Variants in KIAA1549 observed in about 807,000 individuals in gnomAD.
KIAA1549 encodes KIAA1549.
KIAA1549 carries 70 observed loss-of-function variants against 156.4 expected under a neutral mutation model. The ratio of observed to expected loss-of-function variants is 0.45; its 90% confidence interval spans 0.37 to 0.55. The LOEUF is 0.55. Ranked by LOEUF, KIAA1549 falls within the 20% of genes least tolerant of loss-of-function variation. The pLI, the probability that KIAA1549 is intolerant of heterozygous loss-of-function variation, is 0.00. For missense variants in KIAA1549, 2,428 were observed against 2,540.9 expected (o/e 0.96, Z 0.96); for synonymous variants, 1,103 against 1,066.4 (o/e 1.03, Z -0.67).
intron 1 of KIAA1549, among the ~76,000 whole-genome samples, chr7:138,934,490 G>A (rs889680234): frequency 2.6e-5 from 4 of 151,848 alleles, no homozygotes; most frequent in African/African-American, 4.8e-5. Context: ...CCAAGAGAGC[G>A]GAGAATTCGT....
intron 1 of KIAA1549, among the ~76,000 whole-genome samples, chr7:138,921,662 C>T (rs939992552): frequency 6.6e-6 from 1 of 152,154 alleles, no homozygotes; most frequent in South Asian, 2.1e-4. Flanking sequence ...GTCAGGAGTT[C>T]GAGTCCAGCC....
At chr7:138,883,829 A>G (rs959400310) in intron 10 of KIAA1549, among the ~76,000 whole-genome samples, 8 of 152,200 alleles carry the variant, frequency 5.3e-5, no homozygotes, top group African/African-American at 1.9e-4. Flanking sequence ...ACATCCACAC[A>G]GTGACACTCT....
At position 138,840,173 on chromosome 7, in the gene KIAA1549, C is replaced by A. The variant is rs1403516309; in HGVS notation, c.5558G>T (p.Trp1853Leu). Residue 1853 changes from tryptophan to leucine, a missense_variant, in exon 19 of 20, where the codon TGG becomes TTG. Trp to Leu is a moderately conservative substitution (Grantham distance 61, BLOSUM62 -2). Coordinates refer to ENST00000422774, the MANE Select transcript of KIAA1549 (RefSeq NM_001164665.2). ...SRGSQYGGPG[W>L]PSYGEDEAGR... Reference sequence around the variant, plus strand: ...CGCTTCGTCCTCCCCGTACGAAGGCCAGCCTGGCCCCCCATACTGGCTGCC... The same window carrying A: ...CGCTTCGTCCTCCCCGTACGAAGGCAAGCCTGGCCCCCCATACTGGCTGCC... 1.3e-6 allele frequency: 2 copies of A among 1,558,764 alleles called. No homozygotes were observed. Among genetic ancestry groups the A allele is most frequent in the African/African-American group, 1.4e-5 (1 of 73,512 alleles).
chr7:138,980,979 G>A (rs1037620683), intron 1 of KIAA1549, 104 bp downstream of exon 1: 1 of 1,031,268 alleles, frequency 9.7e-7, no homozygotes, highest in Non-Finnish European at 1.2e-6. Context: ...CGAGGGAGCT[G>A]GAGAATAAAA....
At chr7:138,881,955 G>A (rs112517317) in intron 10 of KIAA1549, among the ~76,000 whole-genome samples, 3,623 of 152,278 alleles carry the variant, frequency 0.024, 151 homozygotes, top group African/African-American at 0.082. Flanking sequence ...GCTACAAAGA[G>A]AATGTTCTAG....
chr7:138,838,520 C>T (rs1446924928), intron 19 of KIAA1549, among the ~76,000 whole-genome samples: 2 of 152,114 alleles, frequency 1.3e-5, no homozygotes, highest in South Asian at 2.1e-4. Flanking sequence ...CCTGTCTCTG[C>T]GTGAGTGTGT....
intron 12 of KIAA1549, among the ~76,000 whole-genome samples, chr7:138,878,371 C>T (rs1421376678): frequency 6.6e-6 from 1 of 152,228 alleles, no homozygotes; most frequent in Non-Finnish European, 1.5e-5. Context: ...GGCTTCTGTC[C>T]AGTCTGTTCA....
chr7:138,886,561 G>A (rs2130419827), intron 10 of KIAA1549, among the ~76,000 whole-genome samples: 1 of 152,064 alleles, frequency 6.6e-6, no homozygotes, highest in Middle Eastern at 3.4e-3. Context: ...ACAGACGTGA[G>A]CCACTGAGAC....
chr7:138,937,945 C>G (rs1158703229), intron 1 of KIAA1549, among the ~76,000 whole-genome samples: 7 of 152,260 alleles, frequency 4.6e-5, no homozygotes, highest in Middle Eastern at 3.4e-3. Context: ...TACGGGTGCT[C>G]TGCCGCAGTC....
intron 10 of KIAA1549, among the ~76,000 whole-genome samples, chr7:138,884,256 A>G (rs1329149271): frequency 2.0e-5 from 3 of 146,774 alleles, no homozygotes; most frequent in African/African-American, 7.6e-5. Flanking sequence ...TTCCCCCCAC[A>G]CCTCACCCTA....
chr7:138,908,441 C>T (rs542241247), intron 5 of KIAA1549, among the ~76,000 whole-genome samples: 4 of 151,682 alleles, frequency 2.6e-5, no homozygotes, highest in South Asian at 4.2e-4. Context: ...ACTTGGAGGA[C>T]GACATTTAGT....
At chr7:138,913,299 T>A (rs1018792718) in intron 2 of KIAA1549, among the ~76,000 whole-genome samples, 1 of 152,196 alleles carries the variant, frequency 6.6e-6, no homozygotes, top group Non-Finnish European at 1.5e-5. Flanking sequence ...CCACTAATCA[T>A]GGGGAAAAAC....
Position 138,861,373 on chromosome 7 carries a change from G to A in KIAA1549, c.5013C>T (p.Ser1671=), listed in dbSNP as rs752919206. 1 of 1,611,684 alleles carries A rather than the reference G, an allele frequency of 6.2e-7. No individual in the cohort carries two copies. ...TGGACGGCTGGGGTGGGATGTACTG[G>A]GAGGCCGGGAAGGGAAGGGCTGGAT... ...GRYPALPFPA[S]QYIPPQPSIE... is the part of the protein sequence containing the mutation. Residue 1671 remains serine, a synonymous_variant, in exon 16 of 20, where the codon TCC becomes TCT. Coordinates refer to ENST00000422774, the MANE Select transcript of KIAA1549 (RefSeq NM_001164665.2).
chr7:138,833,587 A>T lies in KIAA1549; in HGVS notation c.*4319T>A, dbSNP rs1584974577. ...AAAGTCATCTGCCACCCAAATCAAA[A>T]CACTATGAAATTAATAAAATTTGGA... On this transcript the variant is annotated 3_prime_UTR_variant, in exon 20 of 20. Coordinates refer to ENST00000422774, the MANE Select transcript of KIAA1549 (RefSeq NM_001164665.2). 1.3e-5 allele frequency: 3 copies of T among 232,468 alleles called. No individual in the cohort carries two copies. The South Asian group carries it at 5.4e-4, about 42-fold the overall frequency. The allele number at this position is 232,468 out of a possible 1,614,324, so 14.4% of individuals were successfully genotyped here. A position where few individuals can be genotyped will look rare whatever the true frequency, so the allele number is the denominator to read the frequency against.
At position 138,935,111 on chromosome 7, in the gene KIAA1549, CATAAAG is replaced by C. The variant is rs201865868; in HGVS notation, c.188-15679_188-15674del. Among the ~76,000 whole-genome samples, 50 of 152,324 alleles carry C rather than the reference CATAAAG, an allele frequency of 3.3e-4. No homozygotes were observed. In the East Asian group the frequency reaches 9.6e-3, roughly 29 times the overall value. On this transcript the variant is annotated intron_variant, in intron 1 of 19. Coordinates refer to ENST00000422774, the MANE Select transcript of KIAA1549 (RefSeq NM_001164665.2). ...ATAACAATTAGTGACCTCACCCAAA[CATAAAG>C]AGAACTCATGTGGAACTTCAGAAAA...
At chr7:138,962,199 T>A (rs375785848) in intron 1 of KIAA1549, among the ~76,000 whole-genome samples, 1 of 152,230 alleles carries the variant, frequency 6.6e-6, no homozygotes, top group South Asian at 2.1e-4. Flanking sequence ...CTGACATAAG[T>A]GCACATTCGA....
At chr7:138,977,301 C>G (rs1194136018) in intron 1 of KIAA1549, among the ~76,000 whole-genome samples, 1 of 152,008 alleles carries the variant, frequency 6.6e-6, no homozygotes, top group Admixed American at 6.6e-5. Flanking sequence ...AATAAAAATA[C>G]AGAGAAAATT....
intron 9 of KIAA1549, 112 bp from the exon 10 acceptor site, chr7:138,894,638 C>T: frequency 2.0e-6 from 2 of 1,014,292 alleles, no homozygotes; most frequent in Admixed American, 2.4e-5. Context: ...CTCAAGATAG[C>T]TGGTTCCAGG....
At chr7:138,888,942 G>A (rs902965478) in intron 10 of KIAA1549, among the ~76,000 whole-genome samples, 4 of 152,148 alleles carry the variant, frequency 2.6e-5, no homozygotes, top group African/African-American at 7.2e-5. Context: ...TAACAGGAGC[G>A]ATTTCCAATT....
Sources: gnomAD v4.1 joint callset for allele counts (sites outside exome capture counted in the v4.1 genomes callset) on GRCh38, gnomAD v4.1.1 for gene constraint, MANE v1.5 for transcripts, NCBI Gene and HGNC (gene_info 2026-07-23, HGNC 2026-07-21) for gene names.